The following FAM83G variants were observed in gnomAD, a reference collection of about 807,000 sequenced individuals.
FAM83G encodes the protein protein FAM83G.
A neutral mutation model predicts 61.5 loss-of-function variants in FAM83G; 38 were observed. The observed-to-expected ratio is 0.62, with a 90% CI of 0.48 to 0.81. FAM83G has a LOEUF of 0.81. Among genes scored for constraint, FAM83G ranks in the 30% least tolerant of loss-of-function variants. FAM83G has a pLI of 0.00. For missense variants in FAM83G, 989 were observed against 1,133.6 expected (o/e 0.87, Z 1.83); for synonymous variants, 470 against 476.1 (o/e 0.99, Z 0.17).
At chr17:18,998,327 C>T (rs891724377) in intron 2 of FAM83G, among the ~76,000 whole-genome samples, 3 of 152,226 alleles carry the variant, frequency 2.0e-5, no homozygotes, top group Non-Finnish European at 2.9e-5. Context: ...AAACTGAGGC[C>T]GAGGGTCCTG....
rs749858255 is a variant in FAM83G, at chr17:18,978,367, G to A, written c.1299C>T (p.Asp433=). Residue 433 remains aspartate (D), a synonymous_variant, in exon 5 of 6, where the codon GAC becomes GAT. Transcript: ENST00000388995. ...TGGGCTGGGGGTTCCAGATGTTGGG[G>A]TCGATGATATTGATGTAGCCCAGGA... The part of the protein sequence containing the change: ...SDILGYINII[D]PNIWNPQPSQ... 34 of 1,595,664 alleles carry A rather than the reference G, an allele frequency of 2.1e-5. No homozygotes were observed. Among genetic ancestry groups the A allele is most frequent in the Non-Finnish European group, 2.8e-5 (33 of 1,171,476 alleles).
At position 19,003,561 on chromosome 17, in the gene FAM83G, T is replaced by A. The variant is rs780598860; in HGVS notation, c.481A>T (p.Ile161Phe). ...MQPPIDGQAH[I>F]KEVVRKMISQ... The stretch of plus-strand genomic sequence containing the variant: ...ATCATCTTCCGCACCACCTCTTTGA[T>A]GTGGGCCTGCCCGTCTATGGGGGGC... Residue 161 changes from isoleucine to phenylalanine, a missense_variant, in exon 2 of 6, where the codon ATC (isoleucine) becomes TTC (phenylalanine). Ile to Phe is a conservative substitution (Grantham distance 21). Around this residue, in one of 3 missense-constraint regions of FAM83G, gnomAD observed 371 missense variants for 404.5 expected, o/e 0.92. Coordinates refer to ENST00000388995, the MANE Select transcript of FAM83G (RefSeq NM_001039999.3). The surrounding 1 kb of genome is among the most constrained non-coding windows in gnomAD (Gnocchi z 4.5). 6.4e-7 allele frequency: 1 copy of A among 1,568,494 alleles called. No individual in the cohort carries two copies. The highest frequency in any genetic ancestry group is 8.6e-7 in the Non-Finnish European group (1 of 1,156,888).
chr17:18,971,517 C>T lies in FAM83G; in HGVS notation c.2314G>A (p.Asp772Asn), dbSNP rs145815436. 1.1e-4 allele frequency: 172 copies of T among 1,613,990 alleles called. No homozygotes were observed. Among genetic ancestry groups the T allele is most frequent in the Non-Finnish European group, 1.4e-4 (163 of 1,180,012 alleles). The change falls in exon 6 of 6, where the codon GAT becomes AAT. Residue 772 changes from aspartate to asparagine, a missense_variant. This residue lies in a region of FAM83G where 574 missense variants were observed against 645.1 expected (regional missense o/e 0.89). Transcript: ENST00000388995. The surrounding 1 kb of genome is among the most constrained non-coding windows in gnomAD (Gnocchi z 5.5). ...RLAQNARPMT[D>N]GRATEEHPSP... The stretch of plus-strand genomic sequence containing the variant: ...GGATGCTCCTCGGTGGCCCTGCCAT[C>T]GGTCATGGGGCGGGCATTTTGGGCC...
intron 3 of FAM83G, among the ~76,000 whole-genome samples, chr17:18,981,685 C>T (rs1480153164): frequency 6.6e-6 from 1 of 152,180 alleles, no homozygotes; most frequent in Non-Finnish European, 1.5e-5. Flanking sequence ...CATCTGATGC[C>T]CACCTGTGGG....
In FAM83G at chr17:19,003,602, G is replaced by C; in HGVS notation, c.440C>G (p.Ala147Gly). 2.5e-6 allele frequency: 4 copies of C among 1,611,118 alleles called. No homozygotes were observed. Among genetic ancestry groups the C allele is most frequent in the Non-Finnish European group, 3.4e-6 (4 of 1,178,832 alleles). ...TATGGGGGGCTGCATGTAGACGCTAGCCCGGGTCACGCCGCGGTAGGCGAT... is the reference window on the plus strand; with the variant it reads ...TATGGGGGGCTGCATGTAGACGCTACCCCGGGTCACGCCGCGGTAGGCGAT... ...DTIAYRGVTR[A>G]SVYMQPPIDG... Residue 147 changes from alanine (A) to glycine (G), a missense_variant, in exon 2 of 6, where the codon GCT becomes GGT. By Grantham distance (60) the Ala-to-Gly change is moderately conservative (BLOSUM62 0). Coordinates refer to ENST00000388995, the MANE Select transcript of FAM83G (RefSeq NM_001039999.3). The surrounding 1 kb of genome is among the most constrained non-coding windows in gnomAD (Gnocchi z 4.5).
intron 2 of FAM83G, among the ~76,000 whole-genome samples, chr17:18,993,537 C>G (rs2043485240): frequency 6.6e-6 from 1 of 152,152 alleles, no homozygotes; most frequent in African/African-American, 2.4e-5. Flanking sequence ...AGAGAGGCGG[C>G]CATATTCTCT....
intron 4 of FAM83G, chr17:18,979,342 C>T (rs1055731528): frequency 1.5e-6 from 1 of 666,378 alleles, no homozygotes; most frequent in Non-Finnish European, 2.5e-6. Context: ...GTGACATCTC[C>T]AAGCTGGAAC....
chr17:18,977,556 C>A, intron 5 of FAM83G, 28 bp downstream of exon 5: 1 of 1,594,308 alleles, frequency 6.3e-7, no homozygotes, highest in East Asian at 2.2e-5. Context: ...GGACTCGTGA[C>A]CCCTGGTGTG....
intron 5 of FAM83G, among the ~76,000 whole-genome samples, chr17:18,975,436 T>C (rs941496264): frequency 1.3e-5 from 2 of 152,188 alleles, no homozygotes; most frequent in African/African-American, 4.8e-5. Context: ...ACACCTGTAA[T>C]CCCAGCACTT....
At position 18,978,698 on chromosome 17, in the gene FAM83G, G is replaced by C. The variant is rs1363032155; in HGVS notation, c.968C>G (p.Pro323Arg). 2 of 1,612,968 alleles carry C rather than the reference G, an allele frequency of 1.2e-6. No individual in the cohort carries two copies. The highest frequency in any genetic ancestry group is 1.7e-6 in the Non-Finnish European group (2 of 1,180,018). The change falls in exon 5 of 6, where the codon CCG becomes CGG. Residue 323 changes from proline (P) to arginine (R), a missense_variant. Coordinates refer to ENST00000388995, the MANE Select transcript of FAM83G (RefSeq NM_001039999.3). ...CACAGAGGGCAGCACAATAGGCTCC[G>C]GCTCCGGTTCCTTCTCCATAGGGAT... The part of the protein sequence containing the change: ...KGIPMEKEPE[P>R]EPIVLPSVVP...
rs1247112113 is a variant in FAM83G, at chr17:18,971,491, C to T, written c.2340G>A (p.Pro780=). Residue 780 remains proline, a synonymous_variant, in exon 6 of 6, where the codon CCG becomes CCA. Coordinates refer to ENST00000388995, the MANE Select transcript of FAM83G (RefSeq NM_001039999.3). The surrounding 1 kb of genome is among the most constrained non-coding windows in gnomAD (Gnocchi z 5.5). The part of the protein sequence containing the change: ...MTDGRATEEH[P]SPFGIPYSKL... ...TGGAGTATGGGATTCCGAAGGGACT[C>T]GGATGCTCCTCGGTGGCCCTGCCAT... The T allele has an allele frequency of 4.3e-6, 7 of 1,613,926 alleles. No homozygotes were observed. The highest frequency in any genetic ancestry group is 4.0e-5 in the African/African-American group (3 of 74,922).
chr17:18,982,069 T>C (rs891842566), intron 3 of FAM83G, among the ~76,000 whole-genome samples: 9 of 152,184 alleles, frequency 5.9e-5, no homozygotes, highest in African/African-American at 2.2e-4. Flanking sequence ...TCCCAAACCT[T>C]GTCCTGATGA....
chr17:18,993,013 G>A (rs1027066790), intron 2 of FAM83G, among the ~76,000 whole-genome samples: 9 of 152,238 alleles, frequency 5.9e-5, no homozygotes, highest in African/African-American at 2.2e-4. Context: ...GCCCTCGCAG[G>A]ACGAGTAGGT....
intron 4 of FAM83G, 150 bp from the exon 5 acceptor site, chr17:18,979,000 G>C: frequency 1.2e-6 from 1 of 855,378 alleles, no homozygotes; most frequent in Non-Finnish European, 1.8e-6. Context: ...TGCATACTGT[G>C]GGGTCAGACT....
rs76413413 is a variant in FAM83G, at chr17:18,978,370, G to A, written c.1296C>T (p.Ile432=). The change falls in exon 5 of 6, where the codon ATC becomes ATT. Residue 432 remains isoleucine, a synonymous_variant. Transcript: ENST00000388995. ...GSDILGYINI[I]DPNIWNPQPS... is the part of the protein sequence containing the mutation. The stretch of plus-strand genomic sequence containing the variant: ...GCTGGGGGTTCCAGATGTTGGGGTC[G>A]ATGATATTGATGTAGCCCAGGATGT... The A allele has an allele frequency of 2.0e-3, 3,196 of 1,593,464 alleles. 42 individuals are homozygous for A. The African/African-American group carries it at 0.034, about 17-fold the overall frequency.
intron 2 of FAM83G, among the ~76,000 whole-genome samples, chr17:18,994,028 C>T (rs992444860): frequency 1.3e-5 from 2 of 152,164 alleles, no homozygotes; most frequent in Non-Finnish European, 2.9e-5. Flanking sequence ...AGGCCAGCAG[C>T]GTCTCACTAC....
chr17:18,979,465 T>A, intron 4 of FAM83G, 84 bp downstream of exon 4: 1 of 1,527,152 alleles, frequency 6.5e-7, no homozygotes, highest in Non-Finnish European at 8.9e-7. Context: ...TGAACCGGAA[T>A]AACCAGGGTT....
Position 18,969,314 on chromosome 17 carries a change from C to A in FAM83G, c.*2045G>T. 1 of 1,610,548 alleles carries A rather than the reference C, an allele frequency of 6.2e-7. No homozygotes were observed. Among genetic ancestry groups the A allele is most frequent in the Non-Finnish European group, 8.5e-7 (1 of 1,178,206 alleles). ...TCCCTCCTCCCTGGGGCCAGGGCCCCCTCCAGCAACCTTGCTTCCACTGGC... is the reference window on the plus strand; with the variant it reads ...TCCCTCCTCCCTGGGGCCAGGGCCCACTCCAGCAACCTTGCTTCCACTGGC... On this transcript the variant is annotated 3_prime_UTR_variant, in exon 6 of 6. Transcript: ENST00000388995.
chr17:18,987,157 T>C (rs1043665936), intron 3 of FAM83G, among the ~76,000 whole-genome samples: 1 of 152,222 alleles, frequency 6.6e-6, no homozygotes, highest in African/African-American at 2.4e-5. Flanking sequence ...GCGGTGCCCC[T>C]TCTCCTAGGA....
Sources: gnomAD v4.1 joint callset for allele counts (sites outside exome capture counted in the v4.1 genomes callset) on GRCh38, gnomAD v4.1.1 for gene constraint, gnomAD v4.1.1 regional missense constraint, Gnocchi (gnomAD v3.1) non-coding constraint, MANE v1.5 for transcripts, NCBI Gene and HGNC (gene_info 2026-07-23, HGNC 2026-07-21) for gene names.